ADGRL2: variants seen among roughly 807,000 people sequenced by gnomAD.
The protein encoded by ADGRL2 is calcium-independent alpha-latrotoxin receptor 2.
Under a neutral mutation model 157.4 loss-of-function variants are expected in ADGRL2, and 44 were observed. That is an observed-to-expected ratio of 0.28 (90% CI 0.22 to 0.36). ADGRL2 has a LOEUF of 0.36. Among genes scored for constraint, ADGRL2 ranks in the 10% least tolerant of loss-of-function variants. ADGRL2 has a pLI of 1.00. For synonymous variants in ADGRL2, 585 were observed against 624.7 expected (o/e 0.94, Z 0.95); for missense variants, 1,510 against 1,768.9 (o/e 0.85, Z 2.63).
intron 2 of ADGRL2, among the ~76,000 whole-genome samples, chr1:81,500,569 T>C (rs1239812954): frequency 1.3e-5 from 2 of 152,084 alleles, no homozygotes; most frequent in African/African-American, 2.4e-5. Context: ...TACTGCAGGA[T>C]CTCACTTATA....
At chr1:81,971,813 T>A in intron 16 of ADGRL2, 39 bp from the exon 17 acceptor site, 1 of 1,109,508 alleles carries the variant, frequency 9.0e-7, no homozygotes, top group East Asian at 2.4e-5. Flanking sequence ...TGAGGTTCCA[T>A]AGAAACTACT....
intron 2 of ADGRL2, among the ~76,000 whole-genome samples, chr1:81,882,739 T>C (rs561852497): frequency 6.6e-6 from 1 of 152,318 alleles, no homozygotes; most frequent in South Asian, 2.1e-4. Flanking sequence ...AGCCCTCAAA[T>C]AATTTTATGT....
At chr1:81,321,666 G>T (rs1041664776) in intron 1 of ADGRL2, among the ~76,000 whole-genome samples, 2 of 151,950 alleles carry the variant, frequency 1.3e-5, no homozygotes, top group Admixed American at 6.6e-5. Context: ...TTAAATTCAC[G>T]GTCTTACATG....
At chr1:81,425,133 G>A (rs1465041212) in intron 1 of ADGRL2, among the ~76,000 whole-genome samples, 1 of 152,148 alleles carries the variant, frequency 6.6e-6, no homozygotes, top group Non-Finnish European at 1.5e-5. Flanking sequence ...GAGACATAGA[G>A]AGAATAAAAG....
intron 1 of ADGRL2, among the ~76,000 whole-genome samples, chr1:81,347,046 T>C (rs917351508): frequency 2.0e-5 from 3 of 152,148 alleles, no homozygotes; most frequent in African/African-American, 7.2e-5. Context: ...AGAGAAAGTG[T>C]TCATCTTCTT....
intron 1 of ADGRL2, among the ~76,000 whole-genome samples, chr1:81,714,081 A>G (rs2084027528): frequency 6.6e-6 from 1 of 152,144 alleles, no homozygotes; most frequent in African/African-American, 2.4e-5. Flanking sequence ...CTTATTCACT[A>G]TCACGAGAAC....
intron 2 of ADGRL2, among the ~76,000 whole-genome samples, chr1:81,776,964 A>G (rs2086613175): frequency 6.6e-6 from 1 of 152,234 alleles, no homozygotes; most frequent in Non-Finnish European, 1.5e-5. Flanking sequence ...TCTAGTAAAT[A>G]ATAAATTCTT....
chr1:81,418,518 G>A (rs775020132), intron 1 of ADGRL2, among the ~76,000 whole-genome samples: 1 of 152,160 alleles, frequency 6.6e-6, no homozygotes, highest in Non-Finnish European at 1.5e-5. Flanking sequence ...TTGGGAGGCC[G>A]AGGCAGGCAG....
At chr1:81,616,635 T>C (rs950369327) in intron 3 of ADGRL2, among the ~76,000 whole-genome samples, 1 of 150,422 alleles carries the variant, frequency 6.6e-6, no homozygotes, top group Non-Finnish European at 1.5e-5. Flanking sequence ...TATCCACTTC[T>C]AGTTTTTTGG....
intron 2 of ADGRL2, among the ~76,000 whole-genome samples, chr1:81,888,805 T>C (rs1571930391): frequency 6.6e-6 from 1 of 152,182 alleles, no homozygotes; most frequent in Non-Finnish European, 1.5e-5. Context: ...ACAAGTCTTA[T>C]CAGCACCATT....
At chr1:81,610,176 G>C (rs1490938850) in intron 3 of ADGRL2, among the ~76,000 whole-genome samples, 1 of 150,662 alleles carries the variant, frequency 6.6e-6, no homozygotes, top group Admixed American at 6.6e-5. Context: ...GTAAATTACA[G>C]TGTGGCCTCT....
At chr1:81,561,478 T>C (rs1248556803) in intron 2 of ADGRL2, among the ~76,000 whole-genome samples, 119 of 151,490 alleles carry the variant, frequency 7.9e-4, no homozygotes, top group Non-Finnish European at 7.5e-4. Context: ...TTTTTTTTTT[T>C]CAGAGGGAGT....
rs944629553 is a variant in ADGRL2, at chr1:81,947,859, C to A, written c.1211-2330C>A. ...ATGATCATGTTTATTTTCATGATAT[C>A]CCAATATTTCACTGATTTATTTTTG... is the stretch of plus-strand genomic sequence containing the variant. On this transcript the variant is annotated intron_variant, in intron 6 of 23. Transcript: ENST00000686636. Among the ~76,000 whole-genome samples, 17 of 152,054 alleles carry A rather than the reference C, an allele frequency of 1.1e-4. 1 individual carries two copies.
At chr1:81,693,054 A>G (rs1431618774) in intron 3 of ADGRL2, among the ~76,000 whole-genome samples, 1 of 152,194 alleles carries the variant, frequency 6.6e-6, no homozygotes, top group Non-Finnish European at 1.5e-5. Flanking sequence ...AGGTAGGCCT[A>G]GAGTGCAGGT....
At chr1:81,626,101 A>G (rs1056606696) in intron 3 of ADGRL2, among the ~76,000 whole-genome samples, 1 of 152,160 alleles carries the variant, frequency 6.6e-6, no homozygotes, top group Non-Finnish European at 1.5e-5. Flanking sequence ...CCCAAAACAC[A>G]GGGGCTTCAA....
intron 3 of ADGRL2, among the ~76,000 whole-genome samples, chr1:81,922,950 G>C (rs1321523673): frequency 6.6e-6 from 1 of 152,008 alleles, no homozygotes; most frequent in Non-Finnish European, 1.5e-5. Context: ...CTATGTATCT[G>C]TCTGTCTATC....
chr1:81,355,152 T>A (rs1026306277), intron 1 of ADGRL2, among the ~76,000 whole-genome samples: 3 of 152,040 alleles, frequency 2.0e-5, no homozygotes, highest in African/African-American at 7.2e-5. Flanking sequence ...CTTGGCATAC[T>A]CCAGCCTGGC....
intron 3 of ADGRL2, among the ~76,000 whole-genome samples, chr1:81,657,397 G>C (rs970786919): frequency 6.6e-6 from 1 of 152,120 alleles, no homozygotes; most frequent in African/African-American, 2.4e-5. Context: ...CTTGGACTTC[G>C]CAGCCTCCAG....
chr1:81,319,335 C>T (rs56848089), intron 1 of ADGRL2, among the ~76,000 whole-genome samples: 31,993 of 152,110 alleles, frequency 0.21, 3,467 homozygotes, highest in Admixed American at 0.27. Context: ...TTTAATATAT[C>T]CAACAACATT....
Sources: gnomAD v4.1 joint callset for allele counts (sites outside exome capture counted in the v4.1 genomes callset) on GRCh38, gnomAD v4.1.1 for gene constraint, MANE v1.5 for transcripts, NCBI Gene and HGNC (gene_info 2026-07-23, HGNC 2026-07-21) for gene names.